The following ERBB4 variants were observed in gnomAD, a reference collection of about 807,000 sequenced individuals.
ERBB4 encodes erb-b2 receptor tyrosine kinase 4.
ERBB4 carries 42 observed loss-of-function variants against 158.0 expected under a neutral mutation model. That is an observed-to-expected ratio of 0.27 (90% CI 0.21 to 0.34). The LOEUF is 0.34. Ranked by LOEUF, ERBB4 falls within the 10% of genes least tolerant of loss-of-function variation. The pLI is 1.00. For missense variants in ERBB4, 1,333 were observed against 1,624.1 expected, an observed-to-expected ratio of 0.82 and a Z score of 3.08; for synonymous variants, 583 against 558.7, an observed-to-expected ratio of 1.04 and a Z score of -0.61.
At chr2:211,883,822 T>G (rs779753424) in intron 3 of ERBB4, among the ~76,000 whole-genome samples, 1 of 152,094 alleles carries the variant, frequency 6.6e-6, no homozygotes, top group Non-Finnish European at 1.5e-5. Context: ...AATACGTTAC[T>G]CTTTGAAAAG....
chr2:212,218,483 TA>T (rs1332919978), intron 1 of ERBB4, among the ~76,000 whole-genome samples: 1 of 151,224 alleles, frequency 6.6e-6, no homozygotes, highest in Admixed American at 6.6e-5. Context: ...GGTAAGACAA[TA>T]AGAAAATAGA....
intron 1 of ERBB4, among the ~76,000 whole-genome samples, chr2:212,222,408 GA>G (rs1173179317): frequency 6.6e-6 from 1 of 151,374 alleles, no homozygotes; most frequent in Non-Finnish European, 1.5e-5. Flanking sequence ...AAATGAATTA[GA>G]AAAAATTAAG....
chr2:212,184,737 G>C (rs1297071224), intron 1 of ERBB4, among the ~76,000 whole-genome samples: 7 of 152,106 alleles, frequency 4.6e-5, no homozygotes, highest in Non-Finnish European at 1.5e-5. Flanking sequence ...TAAAAATGTA[G>C]CATAGAGTAA....
chr2:212,396,452 G>A (rs1336459730), intron 1 of ERBB4, among the ~76,000 whole-genome samples: 1 of 152,098 alleles, frequency 6.6e-6, no homozygotes, highest in Admixed American at 6.6e-5. Context: ...ATTCTCTCTG[G>A]TTTGGTTTCC....
At chr2:211,562,514 A>G (rs1038866162) in intron 19 of ERBB4, among the ~76,000 whole-genome samples, 1 of 152,214 alleles carries the variant, frequency 6.6e-6, no homozygotes, top group Admixed American at 6.5e-5. Context: ...TGAACTTTGA[A>G]GTCACCCATT....
chr2:212,206,737 C>T (rs10177593), intron 1 of ERBB4, among the ~76,000 whole-genome samples: 5,040 of 151,756 alleles, frequency 0.033, 236 homozygotes, highest in African/African-American at 0.11. Context: ...CAGGGGCCCG[C>T]CACTGCGCCC....
intron 1 of ERBB4, among the ~76,000 whole-genome samples, chr2:212,143,998 G>A (rs1467195580): frequency 3.3e-5 from 5 of 149,900 alleles, no homozygotes; most frequent in Non-Finnish European, 7.4e-5. Flanking sequence ...CGGCCTGGGC[G>A]ACAGAGTGAG....
At chr2:211,562,184 A>G in intron 19 of ERBB4, 96 bp from the exon 20 acceptor site, 1 of 998,342 alleles carries the variant, frequency 1.0e-6, no homozygotes, top group Non-Finnish European at 1.6e-6. Context: ...ATTTTTAAAA[A>G]TGTACTCTTA....
chr2:212,525,790 T>C (rs1692415418), intron 1 of ERBB4, among the ~76,000 whole-genome samples: 1 of 152,014 alleles, frequency 6.6e-6, no homozygotes, highest in Admixed American at 6.6e-5. Context: ...TTACAGTGGA[T>C]TCTATTCTGT....
chr2:212,303,628 A>G (rs971013609), intron 1 of ERBB4, among the ~76,000 whole-genome samples: 2 of 151,598 alleles, frequency 1.3e-5, no homozygotes, highest in African/African-American at 4.8e-5. Flanking sequence ...TCAAGCCACT[A>G]TATTTTTAAT....
rs141126847 is a variant in ERBB4, at chr2:211,595,319, AG to A, written c.2301+23857del. Among the ~76,000 whole-genome samples, 1,159 of 152,288 alleles carry A rather than the reference AG, an allele frequency of 7.6e-3. 14 individuals are homozygous for A. Among genetic ancestry groups the A allele is most frequent in the African/African-American group, 0.026 (1,060 of 41,552 alleles). On this transcript the variant is annotated intron_variant, in intron 19 of 27. Transcript: ENST00000342788. ...AAATTAAGAGCTAAGATCCCTGACA[AG>A]TTTTAAAATCTTAAAATACATTTTT... is the stretch of plus-strand genomic sequence containing the variant.
Position 211,383,474 on chromosome 2 carries a change from C to G in ERBB4, c.*141G>C, listed in dbSNP as rs962446656. On this transcript the variant is annotated 3_prime_UTR_variant, in exon 28 of 28. Coordinates refer to ENST00000342788, the MANE Select transcript of ERBB4 (RefSeq NM_005235.3). ...ATGTTCAAGTTAGGTAAGCACATAACTATCATTGCATCTCTGTATCTTCCA... is the reference window on the plus strand; with the variant it reads ...ATGTTCAAGTTAGGTAAGCACATAAGTATCATTGCATCTCTGTATCTTCCA... 8.6e-6 allele frequency: 6 copies of G among 696,926 alleles called. No homozygotes were observed. The highest frequency in any genetic ancestry group is 2.2e-5 in the Admixed American group (1 of 45,116). 43.2% of individuals were successfully genotyped at this position (696,926 alleles called of 1,614,324 possible).
chr2:212,130,389 T>A (rs1384747936), intron 1 of ERBB4, among the ~76,000 whole-genome samples: 1 of 152,132 alleles, frequency 6.6e-6, no homozygotes, highest in Non-Finnish European at 1.5e-5. Flanking sequence ...TTTATTTTTC[T>A]TAAGATTTAT....
At chr2:211,386,784 T>C (rs1241651330) in intron 27 of ERBB4, 69 bp downstream of exon 27, 1 of 1,527,502 alleles carries the variant, frequency 6.5e-7, no homozygotes, top group African/African-American at 1.4e-5. Flanking sequence ...CAATTTCTAT[T>C]CTGTACTTTG....
At chr2:211,495,425 T>C (rs540589311) in intron 20 of ERBB4, among the ~76,000 whole-genome samples, 7 of 152,136 alleles carry the variant, frequency 4.6e-5, no homozygotes, top group Non-Finnish European at 7.4e-5. Context: ...TTAATAAATT[T>C]GTATAAGGAT....
intron 3 of ERBB4, among the ~76,000 whole-genome samples, chr2:211,868,339 C>T (rs1319336034): frequency 6.6e-6 from 1 of 152,182 alleles, no homozygotes; most frequent in Non-Finnish European, 1.5e-5. Context: ...TATCCTTTAA[C>T]AATGCTTCTC....
intron 1 of ERBB4, among the ~76,000 whole-genome samples, chr2:212,329,394 C>T (rs1347260178): frequency 3.3e-5 from 5 of 152,036 alleles, no homozygotes; most frequent in Non-Finnish European, 5.9e-5. Flanking sequence ...TGCCAGAGAA[C>T]ACTGTAATGG....
Position 211,377,817 on chromosome 2 carries a change from A to G in ERBB4, c.*5798T>C, listed in dbSNP as rs1043068836. On this transcript the variant is annotated 3_prime_UTR_variant, in exon 28 of 28. Transcript: ENST00000342788. ...TGGACATATGTGAGTTTCAAGATTC[A>G]TCACAGGGCTAACTCGTCTCAAATT... is the stretch of plus-strand genomic sequence containing the variant. 3 of 232,642 alleles carry G rather than the reference A, an allele frequency of 1.3e-5. No homozygotes were observed. Among genetic ancestry groups the G allele is most frequent in the African/African-American group, 6.6e-5 (3 of 45,312 alleles). 14.4% of individuals were successfully genotyped at this position (232,642 alleles called of 1,614,324 possible). A position where few individuals can be genotyped will look rare whatever the true frequency, so the allele number is the denominator to read the frequency against.
rs566295593 is a variant in ERBB4, at chr2:211,377,396, T to C, written c.*6219A>G. The C allele has an allele frequency of 7.7e-5, 18 of 233,148 alleles. No individual in the cohort carries two copies. In the East Asian group the frequency reaches 9.7e-4, roughly 13 times the overall value. The allele number at this position is 233,148 out of a possible 1,614,324, so 14.4% of individuals were successfully genotyped here. A position where few individuals can be genotyped will look rare whatever the true frequency, so the allele number is the denominator to read the frequency against. ...ATCTTTGTTTTCCTATATTTGTATA[T>C]TTGCACAAATATAACCACTTCTCAT... On this transcript the variant is annotated 3_prime_UTR_variant, in exon 28 of 28. Transcript: ENST00000342788.
Sources: allele counts gnomAD v4.1 joint callset (sites outside exome capture counted in the v4.1 genomes callset), GRCh38; gene constraint gnomAD v4.1.1; transcripts MANE v1.5; gene names NCBI Gene and HGNC (gene_info 2026-07-23, HGNC 2026-07-21).